The following GPR137 variants were observed in gnomAD, a reference collection of about 807,000 sequenced individuals.
GPR137 encodes G protein-coupled receptor 137, also known as integral membrane protein GPR137.
GPR137 carries 20 observed loss-of-function variants against 38.9 expected under a neutral mutation model. The observed-to-expected ratio is 0.51, with a 90% confidence interval of 0.36 to 0.75. The LOEUF is 0.75. Ranked by LOEUF, GPR137 falls within the 30% of genes least tolerant of loss-of-function variation. The pLI is 0.00. For missense variants in GPR137, 456 were observed against 526.4 expected (o/e 0.87, Z 1.31); for synonymous variants, 226 against 235.8 (o/e 0.96, Z 0.38).
chr11:64,282,736 C>T (rs1018268469), upstream of GPR137, among the ~76,000 whole-genome samples: 1 of 150,432 alleles, frequency 6.6e-6, no homozygotes, highest in Non-Finnish European at 1.5e-5. Context: ...GAAATTAGCC[C>T]GGCATGGTGA....
At chr11:64,278,404 A>G (rs1220158683) in intron 2 of GPR137, among the ~76,000 whole-genome samples, 1 of 148,782 alleles carries the variant, frequency 6.7e-6, no homozygotes, top group Non-Finnish European at 1.5e-5. Flanking sequence ...ATAAATATAT[A>G]TATACATAAA....
chr11:64,277,744 G>A (rs2033168554), intron 2 of GPR137, among the ~76,000 whole-genome samples: 1 of 152,096 alleles, frequency 6.6e-6, no homozygotes, highest in Non-Finnish European at 1.5e-5. Flanking sequence ...GCAAATGTTT[G>A]TTCACTTTCT....
upstream of GPR137, among the ~76,000 whole-genome samples, chr11:64,272,303 G>GC (rs1275524799): frequency 4.6e-5 from 7 of 150,680 alleles, no homozygotes; most frequent in Non-Finnish European, 8.9e-5. Context: ...TGGGCGACAG[G>GC]CTTTTTTTCT....
At chr11:64,285,259 T>G (rs1237588505), upstream of GPR137, 6 of 985,170 alleles carry the variant, frequency 6.1e-6, no homozygotes, top group African/African-American at 5.2e-5. Context: ...GCACTGGAGA[T>G]AAGGAAAGGA....
upstream of GPR137, chr11:64,284,590 C>A: frequency 1.3e-6 from 2 of 1,496,654 alleles, no homozygotes; most frequent in Non-Finnish European, 1.8e-6. Context: ...CCGGTGGACC[C>A]AGGCCCCGCC....
upstream of GPR137, chr11:64,285,533 GC>G: frequency 3.0e-6 from 3 of 985,016 alleles, no homozygotes; most frequent in Non-Finnish European, 3.6e-6. Context: ...ATCCGTTGCC[GC>G]CCCCGGCCGG....
chr11:64,273,473 A>T (rs888766238), upstream of GPR137, among the ~76,000 whole-genome samples: 1 of 152,166 alleles, frequency 6.6e-6, no homozygotes, highest in African/African-American at 2.4e-5. Flanking sequence ...GGTCTATTTG[A>T]ACTGTGCTCT....
At chr11:64,284,180 A>T, upstream of GPR137, 3 of 1,588,620 alleles carry the variant, frequency 1.9e-6, no homozygotes, top group Non-Finnish European at 2.6e-6. Flanking sequence ...TGGGGTACTT[A>T]CCTCCATGAT....
chr11:64,274,647 CCT>C (rs2032913170), upstream of GPR137, among the ~76,000 whole-genome samples: 1 of 152,118 alleles, frequency 6.6e-6, no homozygotes, highest in African/African-American at 2.4e-5. Flanking sequence ...ATGGTGAAAC[CCT>C]GTCTCTACTA....
rs2034445783 is a variant in GPR137 at position 64,288,769 on chromosome 11, C to G, written c.1031+48C>G. The G allele has an allele frequency of 1.3e-6, 2 of 1,482,844 alleles. No homozygotes were observed. Among genetic ancestry groups the G allele is most frequent in the East Asian group, 4.9e-5 (2 of 40,494 alleles). The allele number at this position is 1,482,844 out of a possible 1,614,324, so 91.9% of individuals were successfully genotyped here. A position where few individuals can be genotyped will look rare whatever the true frequency, so the allele number is the denominator to read the frequency against. On this transcript the variant is annotated intron_variant, in intron 6 of 6. Coordinates refer to ENST00000438980, the MANE Select transcript of GPR137 (RefSeq NM_001170880.2). This position sits in a 1 kb window ranked among gnomAD's most constrained non-coding sequence, Gnocchi z 5.5. ...AGTACCCCTGCCCTACCCGCCCACCCCGCTGGCTCCATCAAGCTATGGGGG... is the reference window on the plus strand; with the variant it reads ...AGTACCCCTGCCCTACCCGCCCACCGCGCTGGCTCCATCAAGCTATGGGGG...
chr11:64,283,955 A>C (rs1565352732), upstream of GPR137, among the ~76,000 whole-genome samples: 1 of 152,184 alleles, frequency 6.6e-6, no homozygotes, highest in Non-Finnish European at 1.5e-5. Flanking sequence ...TTTAGCTTTA[A>C]TGTGCACCAG....
chr11:64,287,660 G>A, intron 2 of GPR137, 61 bp from the exon 3 acceptor site: 1 of 1,589,572 alleles, frequency 6.3e-7, no homozygotes, highest in Non-Finnish European at 8.5e-7. Flanking sequence ...TGCAGGAGGT[G>A]GGGCAGGTGG....
At chr11:64,280,083 C>T (rs900910400), upstream of GPR137, among the ~76,000 whole-genome samples, 5 of 151,532 alleles carry the variant, frequency 3.3e-5, no homozygotes, top group Admixed American at 6.6e-5. Context: ...TTTGGGAGGC[C>T]AAGGCGGGCG....
At chr11:64,274,070 G>A (rs970962893), upstream of GPR137, among the ~76,000 whole-genome samples, 1 of 152,104 alleles carries the variant, frequency 6.6e-6, no homozygotes, top group Non-Finnish European at 1.5e-5. Context: ...GTCCCAGCTA[G>A]GACACATAAA....
Position 64,286,780 on chromosome 11 carries a change from C to G in GPR137, c.256C>G (p.Arg86Gly). ...LFSFYFRDTP[R>G]ANRLGPLPFW... The stretch of plus-strand genomic sequence containing the variant: ...CTCCTTCTACTTCCGAGATACTCCC[C>G]GCGCCAACCGCCTGGGGCCCTTGCC... The change falls in exon 1 of 7, where the codon CGC becomes GGC. Residue 86 changes from arginine (R) to glycine (G), a missense_variant. Transcript: ENST00000438980. The G allele has an allele frequency of 6.2e-7, 1 of 1,609,762 alleles. No homozygotes were observed. Among genetic ancestry groups the G allele is most frequent in the Non-Finnish European group, 8.5e-7 (1 of 1,177,366 alleles).
chr11:64,288,496 G>T lies in GPR137; in HGVS notation c.912+28G>T. On this transcript the variant is annotated intron_variant, in intron 5 of 6. Transcript: ENST00000438980. The surrounding 1 kb of genome is among the most constrained non-coding windows in gnomAD (Gnocchi z 5.5). The stretch of plus-strand genomic sequence containing the variant: ...AAGGGTCTGCTCCCTCTTCTGTGGG[G>T]CCAGTGGAGGGGGCGGATGTTGCAA... The T allele has an allele frequency of 1.2e-6, 2 of 1,612,918 alleles. No individual in the cohort carries two copies. Among genetic ancestry groups the T allele is most frequent in the Non-Finnish European group, 1.7e-6 (2 of 1,179,884 alleles).
chr11:64,289,328 G>C lies in GPR137; in HGVS notation c.*132G>C. The C allele has an allele frequency of 1.9e-6, 3 of 1,607,604 alleles. No individual in the cohort carries two copies. On this transcript the variant is annotated 3_prime_UTR_variant, in exon 7 of 7. Coordinates refer to ENST00000438980, the MANE Select transcript of GPR137 (RefSeq NM_001170880.2). ...TACCCCCTCCTCTGGCCGGCTCCTT[G>C]CTGCTCCTGTCATAGTGAGCTTGTG... is the stretch of plus-strand genomic sequence containing the variant.
chr11:64,286,340 G>C lies in GPR137; in HGVS notation c.-185G>C. ...GAGGGGCCTGGGGCCCAGGCTGCCT[G>C]TGTTCCCCAAGGGCAAGGGTCTCTC... On this transcript the variant is annotated 5_prime_UTR_variant, in exon 1 of 7. Coordinates refer to ENST00000438980, the MANE Select transcript of GPR137 (RefSeq NM_001170880.2). 2 of 1,389,614 alleles carry C rather than the reference G, an allele frequency of 1.4e-6. No individual in the cohort carries two copies. Among genetic ancestry groups the C allele is most frequent in the East Asian group, 2.7e-5 (1 of 37,314 alleles). 86.1% of individuals were successfully genotyped at this position (1,389,614 alleles called of 1,614,324 possible).
chr11:64,289,214 CAG>C lies in GPR137; in HGVS notation c.*20_*21del. On this transcript the variant is annotated 3_prime_UTR_variant, in exon 7 of 7. Transcript: ENST00000438980. ...AGACGTGATCCCCCTCCCTCCCCCA[CAG>C]AATACCCAGGCCCCAGTCCCCCTCA... The C allele has an allele frequency of 2.5e-6, 4 of 1,609,780 alleles. No homozygotes were observed. The South Asian group carries it at 4.4e-5, about 18-fold the overall frequency.
Sources: gnomAD v4.1 joint callset for allele counts (sites outside exome capture counted in the v4.1 genomes callset) on GRCh38, gnomAD v4.1.1 for gene constraint, Gnocchi (gnomAD v3.1) non-coding constraint, MANE v1.5 for transcripts, NCBI Gene and HGNC (gene_info 2026-07-23, HGNC 2026-07-21) for gene names.